INTS4: variants seen among roughly 807,000 people sequenced by gnomAD.
INTS4 encodes the protein integrator complex subunit 4.
In INTS4, 70 loss-of-function variants were observed where a neutral mutation model predicts 119.5. The ratio of observed to expected loss-of-function variants is 0.59; its 90% CI spans 0.48 to 0.71. INTS4 has a LOEUF of 0.71. INTS4 is among the 30% of genes least tolerant of loss of function. The pLI is 0.00. For missense variants in INTS4, 867 were observed against 1,173.2 expected (o/e 0.74, Z 3.81); for synonymous variants, 316 against 419.6 (o/e 0.75, Z 3.02).
At chr11:77,877,124 C>T (rs533339353), downstream of INTS4, 12 of 680,200 alleles carry the variant, frequency 1.8e-5, no homozygotes, top group African/African-American at 3.5e-5. Flanking sequence ...CTCATGACCT[C>T]GTGGAAATAG....
At chr11:77,947,921 G>A (rs1320661914) in intron 8 of INTS4, among the ~76,000 whole-genome samples, 2 of 152,100 alleles carry the variant, frequency 1.3e-5, no homozygotes, top group Admixed American at 1.3e-4. Context: ...ACGGCTCACT[G>A]CAGCCTCAAT....
At chr11:77,902,177 C>A (rs1486910183) in intron 17 of INTS4, among the ~76,000 whole-genome samples, 2 of 152,186 alleles carry the variant, frequency 1.3e-5, no homozygotes, top group African/African-American at 4.8e-5. Context: ...GACTCTCTTA[C>A]AATTGGCAAT....
chr11:77,909,552 C>A (rs906065667), intron 15 of INTS4, among the ~76,000 whole-genome samples: 4 of 152,164 alleles, frequency 2.6e-5, no homozygotes, highest in Admixed American at 2.0e-4. Context: ...TCCCAAAGAC[C>A]TCACTTCCTC....
chr11:77,910,956 A>C (rs1953075291), intron 15 of INTS4: 1 of 1,265,210 alleles, frequency 7.9e-7, no homozygotes, highest in Admixed American at 2.3e-5. Context: ...ATAGAAATGG[A>C]AACTGTGGGA....
At chr11:77,895,886 G>A (rs1952496904) in intron 18 of INTS4, among the ~76,000 whole-genome samples, 1 of 152,202 alleles carries the variant, frequency 6.6e-6, no homozygotes. Flanking sequence ...TTTTCCTTTG[G>A]TGTGAGGGAA....
Position 77,891,683 on chromosome 11 carries a change from G to T in INTS4, c.2446C>A (p.Gln816Lys), listed in dbSNP as rs1565226280. Residue 816 changes from glutamine to lysine, a missense_variant and splice_region_variant, in exon 20 of 23, where the codon CAG (glutamine) becomes AAG (lysine). By Grantham distance (53) the Gln-to-Lys change is moderately conservative. Coordinates refer to ENST00000534064, the MANE Select transcript of INTS4 (RefSeq NM_033547.4). ...ACAGGGGCCAAATAGACCCTGACCT[G>T]CTCTGGAAGCGGGAGATGCAGAAAG... is the stretch of plus-strand genomic sequence containing the variant. Reference protein sequence around the residue: ...SAFLHLPLPEQIHKASATIIE... With the variant: ...SAFLHLPLPEKIHKASATIIE... 1.5e-5 allele frequency: 24 copies of T among 1,611,886 alleles called. No homozygotes were observed. Among genetic ancestry groups the T allele is most frequent in the Non-Finnish European group, 2.0e-5 (24 of 1,179,866 alleles).
intron 22 of INTS4, among the ~76,000 whole-genome samples, chr11:77,881,137 C>T (rs1221692546): frequency 1.3e-5 from 2 of 152,160 alleles, no homozygotes; most frequent in East Asian, 3.8e-4. Context: ...ACAAGATCAT[C>T]TAGGATAACT....
intron 8 of INTS4, among the ~76,000 whole-genome samples, chr11:77,947,300 G>A (rs1053508516): frequency 1.1e-4 from 17 of 152,120 alleles, no homozygotes; most frequent in Middle Eastern, 3.2e-3. Flanking sequence ...CCAGATTCAG[G>A]AAGTTCAAAG....
intron 22 of INTS4, among the ~76,000 whole-genome samples, chr11:77,882,537 T>C (rs1233005054): frequency 6.6e-6 from 1 of 152,164 alleles, no homozygotes; most frequent in East Asian, 1.9e-4. Flanking sequence ...GCAGAAGATA[T>C]TAGAATAAGG....
At chr11:77,940,417 T>G (rs2136526197) in intron 9 of INTS4, among the ~76,000 whole-genome samples, 1 of 151,734 alleles carries the variant, frequency 6.6e-6, no homozygotes, top group Middle Eastern at 3.4e-3. Flanking sequence ...GGCAATAGAG[T>G]GAGACCCTGT....
intron 1 of INTS4, 28 bp downstream of exon 1, chr11:77,994,562 G>T: frequency 6.4e-7 from 1 of 1,558,982 alleles, no homozygotes; most frequent in Non-Finnish European, 8.9e-7. Context: ...GTCCGGATCG[G>T]TTCTGGATCT....
intron 18 of INTS4, among the ~76,000 whole-genome samples, chr11:77,896,461 G>A (rs1419640020): frequency 1.3e-5 from 2 of 152,104 alleles, no homozygotes; most frequent in Non-Finnish European, 2.9e-5. Flanking sequence ...AGACCAGCCT[G>A]ACCAAACATG....
chr11:77,924,643 A>C (rs1591063097), intron 12 of INTS4, 107 bp downstream of exon 12: 2 of 1,028,568 alleles, frequency 1.9e-6, no homozygotes, highest in East Asian at 5.0e-5. Flanking sequence ...GTAAAGGCAA[A>C]ATTCAGGGCC....
At chr11:77,885,310 C>T (rs1951957702) in intron 21 of INTS4, among the ~76,000 whole-genome samples, 1 of 151,964 alleles carries the variant, frequency 6.6e-6, no homozygotes, top group Non-Finnish European at 1.5e-5. Context: ...CTCCTGACCT[C>T]AGGTGATCTT....
chr11:77,933,839 C>T (rs1953724696), intron 10 of INTS4, among the ~76,000 whole-genome samples: 1 of 151,850 alleles, frequency 6.6e-6, no homozygotes, highest in Non-Finnish European at 1.5e-5. Flanking sequence ...CCCGGCCGCC[C>T]TGTCTGGGAA....
At chr11:77,912,466 A>G (rs185348953) in intron 15 of INTS4, among the ~76,000 whole-genome samples, 1 of 152,158 alleles carries the variant, frequency 6.6e-6, no homozygotes, top group Non-Finnish European at 1.5e-5. Flanking sequence ...AGCAATCTAT[A>G]TGATGCCACT....
chr11:77,928,808 C>T (rs1367928111), intron 10 of INTS4, among the ~76,000 whole-genome samples: 1 of 152,082 alleles, frequency 6.6e-6, no homozygotes, highest in Non-Finnish European at 1.5e-5. Context: ...AAGGTCATGC[C>T]ACTGCACTCC....
chr11:77,960,269 G>T (rs1954434504), intron 6 of INTS4, 72 bp downstream of exon 6: 26 of 1,080,298 alleles, frequency 2.4e-5, no homozygotes, highest in Middle Eastern at 4.0e-4. Flanking sequence ...TTCAAATTCT[G>T]AGAACCTGTG....
chr11:77,884,852 G>A lies in INTS4; in HGVS notation c.2593-900C>T, dbSNP rs115065363. 582 of 362,750 alleles carry A rather than the reference G, an allele frequency of 1.6e-3. 5 individuals carry two copies. Among genetic ancestry groups the A allele is most frequent in the African/African-American group, 0.011 (535 of 48,304 alleles). The allele number at this position is 362,750 out of a possible 1,614,324, so 22.5% of individuals were successfully genotyped here. A position where few individuals can be genotyped will look rare whatever the true frequency, so the allele number is the denominator to read the frequency against. ...TCACTGAAGCCTCAAACTCCTGGGC[G>A]CAAGTGATCTTCCTGCCTCAGCCTC... On this transcript the variant is annotated intron_variant, in intron 21 of 22. Coordinates refer to ENST00000534064, the MANE Select transcript of INTS4 (RefSeq NM_033547.4).
Sources: gnomAD v4.1 joint callset for allele counts (sites outside exome capture counted in the v4.1 genomes callset) on GRCh38, gnomAD v4.1.1 for gene constraint, MANE v1.5 for transcripts, NCBI Gene and HGNC (gene_info 2026-07-23, HGNC 2026-07-21) for gene names.